CCBE1: variants seen among roughly 807,000 people sequenced by gnomAD.
CCBE1 encodes the protein collagen and calcium binding EGF domains 1, also known as collagen and calcium-binding EGF domain-containing protein 1.
Under a neutral mutation model 50.0 loss-of-function variants are expected in CCBE1, and 37 were observed. The ratio of observed to expected loss-of-function variants is 0.74; its 90% confidence interval spans 0.57 to 0.97. The LOEUF (loss-of-function observed/expected upper bound fraction) is 0.97, where lower values mean the gene tolerates loss of function less well. CCBE1 is among the 50% of genes least tolerant of loss of function. CCBE1 has a pLI of 0.00. For missense variants in CCBE1, 538 were observed against 523.8 expected, an observed-to-expected ratio of 1.03 and a Z score of -0.26; for synonymous variants, 234 against 203.7, an observed-to-expected ratio of 1.15 and a Z score of -1.27.
At chr18:59,481,626 T>C (rs1451622951) in intron 2 of CCBE1, among the ~76,000 whole-genome samples, 2 of 152,122 alleles carry the variant, frequency 1.3e-5, no homozygotes. Flanking sequence ...CACGAACCTC[T>C]CATCAGAAAA....
intron 2 of CCBE1, among the ~76,000 whole-genome samples, chr18:59,536,629 G>C (rs189363614): frequency 1.3e-5 from 2 of 152,230 alleles, no homozygotes; most frequent in Non-Finnish European, 2.9e-5. Context: ...AACGACCAAT[G>C]CAACAGCCAT....
chr18:59,622,654 A>G (rs1338841699), intron 2 of CCBE1, among the ~76,000 whole-genome samples: 5 of 151,074 alleles, frequency 3.3e-5, no homozygotes, highest in Non-Finnish European at 2.9e-5. Flanking sequence ...TACAAAATGT[A>G]GCTGGGCGTG....
In CCBE1 at chr18:59,526,185, C is replaced by T. The variant is rs1043736136; in HGVS notation, c.213-45947G>A. ...TAAATTGATTTTTTGAAGGGTTTTT[C>T]GTGTATCTATCTCCTTCAGTTCCAC... On this transcript the variant is annotated intron_variant, in intron 2 of 10. Coordinates refer to ENST00000439986, the MANE Select transcript of CCBE1 (RefSeq NM_133459.4). Among the ~76,000 whole-genome samples the T allele has an allele frequency of 1.1e-4, 17 of 151,730 alleles. No individual in the cohort carries two copies. The South Asian group carries it at 1.3e-3, about 11-fold the overall frequency.
At chr18:59,508,107 G>A (rs1403094550) in intron 2 of CCBE1, among the ~76,000 whole-genome samples, 1 of 151,742 alleles carries the variant, frequency 6.6e-6, no homozygotes, top group African/African-American at 2.4e-5. Context: ...CGGCCAGGAT[G>A]ATCTCAATCT....
chr18:59,533,957 T>C (rs1915146773), intron 2 of CCBE1, among the ~76,000 whole-genome samples: 1 of 152,250 alleles, frequency 6.6e-6, no homozygotes, highest in South Asian at 2.1e-4. Context: ...TACTATCATA[T>C]GTCCTGTGCT....
At chr18:59,452,439 A>T (rs1910982788) in intron 6 of CCBE1, among the ~76,000 whole-genome samples, 1 of 152,094 alleles carries the variant, frequency 6.6e-6, no homozygotes, top group Non-Finnish European at 1.5e-5. Flanking sequence ...AAAAATACAA[A>T]AAAAATTAGC....
intron 2 of CCBE1, among the ~76,000 whole-genome samples, chr18:59,600,533 C>G (rs991973657): frequency 6.6e-6 from 1 of 152,034 alleles, no homozygotes; most frequent in Admixed American, 6.6e-5. Flanking sequence ...GTCCCTGGTG[C>G]CAAAAAAGGT....
intron 2 of CCBE1, among the ~76,000 whole-genome samples, chr18:59,552,378 G>T (rs1915961672): frequency 6.6e-6 from 1 of 152,182 alleles, no homozygotes; most frequent in South Asian, 2.1e-4. Flanking sequence ...TCGTCAGAGG[G>T]TCAGTTCATG....
chr18:59,485,702 C>T (rs1189081031), intron 2 of CCBE1, among the ~76,000 whole-genome samples: 4 of 151,730 alleles, frequency 2.6e-5, no homozygotes, highest in African/African-American at 9.7e-5. Context: ...CCTTTGCCTC[C>T]CAGGTACAAG....
At chr18:59,518,131 C>T (rs1914453202) in intron 2 of CCBE1, among the ~76,000 whole-genome samples, 2 of 152,170 alleles carry the variant, frequency 1.3e-5, no homozygotes, top group Admixed American at 1.3e-4. Context: ...TTGTTTCCAC[C>T]CCCATAGCAG....
At chr18:59,625,227 C>T (rs553060355) in intron 2 of CCBE1, among the ~76,000 whole-genome samples, 12 of 152,088 alleles carry the variant, frequency 7.9e-5, no homozygotes, top group Non-Finnish European at 1.3e-4. Context: ...GTCAGGAGAT[C>T]GCGACCATCG....
At chr18:59,443,794 G>A (rs748618029) in intron 7 of CCBE1, among the ~76,000 whole-genome samples, 49 of 152,084 alleles carry the variant, frequency 3.2e-4, no homozygotes, top group Non-Finnish European at 5.1e-4. Context: ...TTTAAATGTA[G>A]TGTTTAGTAA....
At position 59,431,050 on chromosome 18, in the gene CCBE1, A is replaced by G. The variant is rs1909930870; in HGVS notation, c.*4858T>C. 1 of 152,238 alleles carries G rather than the reference A, an allele frequency of 6.6e-6. No individual in the cohort carries two copies. Among genetic ancestry groups the G allele is most frequent in the Admixed American group, 6.5e-5 (1 of 15,288 alleles). 9.4% of individuals were successfully genotyped at this position (152,238 alleles called of 1,614,324 possible). ...TTGACTGTTACATGGACCTGTTACA[A>G]ATAATGAACAACAGAGCTACTCCAG... On this transcript the variant is annotated 3_prime_UTR_variant, in exon 11 of 11. Coordinates refer to ENST00000439986, the MANE Select transcript of CCBE1 (RefSeq NM_133459.4).
chr18:59,687,308 T>C (rs1330161789), intron 2 of CCBE1, among the ~76,000 whole-genome samples: 1 of 152,216 alleles, frequency 6.6e-6, no homozygotes, highest in African/African-American at 2.4e-5. Flanking sequence ...TTAGCCTACT[T>C]AAGTTAAAAT....
chr18:59,676,973 G>A (rs1267042197), intron 2 of CCBE1, among the ~76,000 whole-genome samples: 1 of 151,554 alleles, frequency 6.6e-6, no homozygotes, highest in East Asian at 1.9e-4. Context: ...GATAGTGTAG[G>A]ATGAAGGTGG....
At chr18:59,488,131 G>A (rs1488565473) in intron 2 of CCBE1, among the ~76,000 whole-genome samples, 2 of 152,174 alleles carry the variant, frequency 1.3e-5, no homozygotes, top group Non-Finnish European at 1.5e-5. Flanking sequence ...GAGGTACCTA[G>A]AGTATCCAAA....
At chr18:59,696,878 C>T (rs1427731092) in intron 1 of CCBE1, among the ~76,000 whole-genome samples, 169 bp from the exon 2 acceptor site, 1 of 152,108 alleles carries the variant, frequency 6.6e-6, no homozygotes, top group African/African-American at 2.4e-5. Context: ...GCCACAGGGA[C>T]GAGCCACGCG....
intron 2 of CCBE1, among the ~76,000 whole-genome samples, chr18:59,655,823 G>T (rs2054181596): frequency 6.6e-6 from 1 of 152,210 alleles, no homozygotes; most frequent in African/African-American, 2.4e-5. Context: ...AAGTTCCAGA[G>T]GACTTTCACT....
At position 59,590,927 on chromosome 18, in the gene CCBE1, C is replaced by T. The variant is rs143781144; in HGVS notation, c.212+105702G>A. On this transcript the variant is annotated intron_variant, in intron 2 of 10. Transcript: ENST00000439986. ...CAAAAGTGCTAGAAGGAAACAGGGA[C>T]TCCTCTGTAACCTGGGCATAAAAAG... is the stretch of plus-strand genomic sequence containing the variant. Among the ~76,000 whole-genome samples, 309 of 152,250 alleles carry T rather than the reference C, an allele frequency of 2.0e-3. 4 individuals carry two copies. In the East Asian group the frequency reaches 0.032, roughly 16 times the overall value.
Sources: gnomAD v4.1 joint callset for allele counts (sites outside exome capture counted in the v4.1 genomes callset) on GRCh38, gnomAD v4.1.1 for gene constraint, MANE v1.5 for transcripts, NCBI Gene and HGNC (gene_info 2026-07-23, HGNC 2026-07-21) for gene names.